The following SACS variants were observed in gnomAD, a reference collection of about 807,000 sequenced individuals.
SACS encodes sacsin.
In SACS, 197 loss-of-function variants were observed where a neutral mutation model predicts 348.0. The ratio of observed to expected loss-of-function variants is 0.57; its 90% CI spans 0.50 to 0.64. SACS has a LOEUF of 0.64. SACS is among the 30% of genes least tolerant of loss of function. The probability of loss-of-function intolerance (pLI) is 0.00; values close to 1 mark genes in which losing one functional copy is unlikely to be tolerated. For synonymous variants in SACS, 1,985 were observed against 1,910.6 expected (o/e 1.04, Z -1.02); for missense variants, 4,999 against 5,360.8 (o/e 0.93, Z 2.11).
At position 23,332,109 on chromosome 13, in the gene SACS, C is replaced by T; in HGVS notation, c.11767G>A (p.Val3923Met). The change falls in exon 10 of 10, where the codon GTG (valine) becomes ATG (methionine). Residue 3923 changes from valine (V) to methionine (M), a missense_variant. Val to Met is a conservative substitution (Grantham distance 21, BLOSUM62 1). Transcript: ENST00000382292. The part of the protein sequence containing the change: ...DGRLVKSSIL[V>M]FDDAPHYKSR... The stretch of plus-strand genomic sequence containing the variant: ...TTATAATGTGGCGCATCGTCAAACA[C>T]TAAGATGCTTGACTTTACCAATCTA... The T allele has an allele frequency of 6.2e-7, 1 of 1,614,086 alleles. No homozygotes were observed.
rs73154625 is a variant in SACS at position 23,380,532 on chromosome 13, T to C, written c.21-5263A>G. On this transcript the variant is annotated intron_variant, in intron 2 of 9. Coordinates refer to ENST00000382292, the MANE Select transcript of SACS (RefSeq NM_014363.6). Reference sequence around the variant, plus strand: ...AACTCGAAACCAAGCCTAATAATAATAACAACAATAATAATAATAAAGCTG... The same window carrying C: ...AACTCGAAACCAAGCCTAATAATAACAACAACAATAATAATAATAAAGCTG... Among the ~76,000 whole-genome samples, 1,057 of 152,224 alleles carry C rather than the reference T, an allele frequency of 6.9e-3. 5 individuals carry two copies. The highest frequency in any genetic ancestry group is 0.017 in the Middle Eastern group (5 of 294).
chr13:23,374,771 AAC>A (rs1206818323), intron 3 of SACS, among the ~76,000 whole-genome samples: 1 of 152,256 alleles, frequency 6.6e-6, no homozygotes, highest in East Asian at 1.9e-4. Flanking sequence ...GATATTTACC[AAC>A]ATTCTACTTA....
At chr13:23,388,364 T>TA (rs1337899604) in intron 2 of SACS, among the ~76,000 whole-genome samples, 1 of 145,326 alleles carries the variant, frequency 6.9e-6, no homozygotes, top group Non-Finnish European at 1.5e-5. Flanking sequence ...AAACAAAAGA[T>TA]ATGGAACCAA....
chr13:23,425,735 G>A (rs1050419179), intron 1 of SACS, among the ~76,000 whole-genome samples: 1 of 152,160 alleles, frequency 6.6e-6, no homozygotes, highest in Non-Finnish European at 1.5e-5. Flanking sequence ...TCTGCTCAGG[G>A]TGTGAAGATC....
At position 23,336,942 on chromosome 13, in the gene SACS, G is replaced by A; in HGVS notation, c.6934C>T (p.Gln2312Ter). The change falls in exon 10 of 10, where the codon CAG becomes TAG. Residue 2312 changes from glutamine (Q) to a stop codon, truncating the protein, a stop_gained. Transcript: ENST00000382292. LOFTEE classifies it high-confidence loss of function. Reference sequence around the variant, plus strand: ...TAGCAAGCATTGGTGATATTCTCCTGGTACAGTGTAATTCCATCATCAACT... The same window carrying A: ...TAGCAAGCATTGGTGATATTCTCCTAGTACAGTGTAATTCCATCATCAACT... ...KSVDDGITLY[Q>*]ENITNACYKY... 1 of 1,613,706 alleles carries A rather than the reference G, an allele frequency of 6.2e-7. No homozygotes were observed. Among genetic ancestry groups the A allele is most frequent in the South Asian group, 1.1e-5 (1 of 91,042 alleles).
chr13:23,355,416 C>G lies in SACS; in HGVS notation c.1196G>C (p.Gly399Ala). The change falls in exon 8 of 10, where the codon GGT becomes GCT. Residue 399 changes from glycine (G) to alanine (A), a missense_variant. By Grantham distance (60) the Gly-to-Ala change is moderately conservative. Around this residue, in one of 6 missense-constraint regions of SACS, gnomAD observed 3,156 missense variants for 3,380.1 expected, o/e 0.93. Transcript: ENST00000382292. ...KTSWLVCNSVGGRGISSKLDS... is the reference protein window; with the variant it reads ...KTSWLVCNSVAGRGISSKLDS... ...AAGCTTACTACTGATCCCTCGCCCA[C>G]CCACACTGTTACACACCAACCAAGA... 6.2e-7 allele frequency: 1 copy of G among 1,614,144 alleles called. No individual in the cohort carries two copies. The highest frequency in any genetic ancestry group is 1.6e-4 in the Middle Eastern group (1 of 6,062).
At chr13:23,379,140 C>T (rs1445782137) in intron 2 of SACS, among the ~76,000 whole-genome samples, 1 of 152,162 alleles carries the variant, frequency 6.6e-6, no homozygotes, top group Non-Finnish European at 1.5e-5. Context: ...CCCCAGCTCT[C>T]GCGCCTGCTG....
chr13:23,340,675 A>G lies in SACS; in HGVS notation c.3201T>C (p.Asn1067=). The G allele has an allele frequency of 6.3e-7, 1 of 1,594,494 alleles. No homozygotes were observed. The highest frequency in any genetic ancestry group is 8.5e-7 in the Non-Finnish European group (1 of 1,173,154). Residue 1067 remains asparagine (N), a synonymous_variant, in exon 10 of 10, where the codon AAT becomes AAC. Transcript: ENST00000382292. ...DIEVLKDLFC[N]EEGTYFPPSV... ...AGGGTGGGAAATAGGTTCCTTCTTCATTACAAAAGAGATCCTTTAGTACTT... is the reference window on the plus strand; with the variant it reads ...AGGGTGGGAAATAGGTTCCTTCTTCGTTACAAAAGAGATCCTTTAGTACTT...
At position 23,340,658 on chromosome 13, in the gene SACS, A is replaced by G; in HGVS notation, c.3218T>C (p.Phe1073Ser). ...TGGTGAGGTAAAAACTGAGGGTGGGAAATAGGTTCCTTCTTCATTACAAAA... is the reference window on the plus strand; with the variant it reads ...TGGTGAGGTAAAAACTGAGGGTGGGGAATAGGTTCCTTCTTCATTACAAAA... ...DLFCNEEGTYFPPSVFTSPDI... is the reference protein window; with the variant it reads ...DLFCNEEGTYSPPSVFTSPDI... The change falls in exon 10 of 10, where the codon TTC (phenylalanine) becomes TCC (serine). Residue 1073 changes from phenylalanine to serine, a missense_variant. Physicochemically the swap from Phe to Ser is radical, Grantham distance 155. Around this residue, in one of 6 missense-constraint regions of SACS, gnomAD observed 3,156 missense variants for 3,380.1 expected, o/e 0.93. Coordinates refer to ENST00000382292, the MANE Select transcript of SACS (RefSeq NM_014363.6). 1 of 1,598,902 alleles carries G rather than the reference A, an allele frequency of 6.3e-7. No individual in the cohort carries two copies. The highest frequency in any genetic ancestry group is 8.5e-7 in the Non-Finnish European group (1 of 1,175,336).
At chr13:23,427,827 C>T (rs1419072463) in intron 1 of SACS, 1 of 152,214 alleles carries the variant, frequency 6.6e-6, no homozygotes, top group African/African-American at 2.4e-5. Context: ...TGGCTGGTCC[C>T]CGAGGACGAG....
Position 23,329,888 on chromosome 13 carries a change from A to G in SACS, c.*248T>C. ...TATATAAAGTGCAGTTCAATGATGT[A>G]TCATCCCAATCATTCAAATCCATCC... On this transcript the variant is annotated 3_prime_UTR_variant, in exon 10 of 10. Coordinates refer to ENST00000382292, the MANE Select transcript of SACS (RefSeq NM_014363.6). The G allele has an allele frequency of 3.7e-6, 2 of 547,690 alleles. No homozygotes were observed. Among genetic ancestry groups the G allele is most frequent in the Non-Finnish European group, 6.5e-6 (2 of 306,526 alleles). The allele number at this position is 547,690 out of a possible 1,614,324, so 33.9% of individuals were successfully genotyped here. A position where few individuals can be genotyped will look rare whatever the true frequency, so the allele number is the denominator to read the frequency against.
At chr13:23,430,947 C>A (rs544732060) in intron 1 of SACS, among the ~76,000 whole-genome samples, 2 of 152,288 alleles carry the variant, frequency 1.3e-5, no homozygotes, top group Middle Eastern at 6.8e-3. Flanking sequence ...ATGGTAGGAA[C>A]AGAGCTCAGA....
In SACS at chr13:23,431,398, TA is replaced by T. The variant is rs748350797; in HGVS notation, c.-502+2216del. On this transcript the variant is annotated intron_variant, in intron 1 of 9. Transcript: ENST00000382292. ...GGGTGAAACGGCCTCTCCTAGACGT[TA>T]AAATCTTACACAATATCCTGAGTGT... Among the ~76,000 whole-genome samples, 10 of 152,216 alleles carry T rather than the reference TA, an allele frequency of 6.6e-5. No individual in the cohort carries two copies. In the East Asian group the frequency reaches 1.5e-3, roughly 23 times the overall value.
chr13:23,356,386 ACT>A (rs1181786922), intron 7 of SACS, among the ~76,000 whole-genome samples: 1 of 152,176 alleles, frequency 6.6e-6, no homozygotes, highest in Non-Finnish European at 1.5e-5. Flanking sequence ...TTCAGCATAG[ACT>A]CTGTAAGAAG....
In SACS at chr13:23,420,550, A is replaced by G. The variant is rs146128516; in HGVS notation, c.-501-8810T>C. ...GGGCCTAATGTCCACCTGTGGCCCA[A>G]TGTAAATCTGGGGCCTGGTATTTAG... On this transcript the variant is annotated intron_variant, in intron 1 of 9. Coordinates refer to ENST00000382292, the MANE Select transcript of SACS (RefSeq NM_014363.6). 8.0e-4 allele frequency among the ~76,000 whole-genome samples: 122 copies of G among 152,204 alleles called. No individual in the cohort carries two copies. The East Asian group carries it at 0.021, about 26-fold the overall frequency.
In SACS at chr13:23,336,475, G is replaced by A. The variant is rs774952197; in HGVS notation, c.7401C>T (p.Cys2467=). ...NLMLLPAKSL[C]YNDCPWIKVK... is the part of the protein sequence containing the mutation. Reference sequence around the variant, plus strand: ...CTTTTATCCAAGGGCAATCATTGTAGCATAACGATTTAGCAGGGAGAAGCA... The same window carrying A: ...CTTTTATCCAAGGGCAATCATTGTAACATAACGATTTAGCAGGGAGAAGCA... The change falls in exon 10 of 10, where the codon TGC becomes TGT. Residue 2467 remains cysteine (C), a synonymous_variant. Coordinates refer to ENST00000382292, the MANE Select transcript of SACS (RefSeq NM_014363.6). The A allele has an allele frequency of 3.1e-6, 5 of 1,613,848 alleles. No homozygotes were observed. Among genetic ancestry groups the A allele is most frequent in the South Asian group, 1.1e-5 (1 of 91,080 alleles).
rs1307752682 is a variant in SACS, at chr13:23,337,225, T to C, written c.6651A>G (p.Pro2217=). Reference sequence around the variant, plus strand: ...AAAAACCTGCTGGTTTTGTCAGAAATGGAAGGAAGCGGATTGTTTGATATT... The same window carrying C: ...AAAAACCTGCTGGTTTTGTCAGAAACGGAAGGAAGCGGATTGTTTGATATT... ...AAKYQTIRFL[P]FLTKPAGFSL... Residue 2217 remains proline, a synonymous_variant, in exon 10 of 10, where the codon CCA becomes CCG. Transcript: ENST00000382292. 6.2e-7 allele frequency: 1 copy of C among 1,613,902 alleles called. No individual in the cohort carries two copies. The highest frequency in any genetic ancestry group is 2.2e-5 in the East Asian group (1 of 44,860).
intron 2 of SACS, among the ~76,000 whole-genome samples, chr13:23,407,530 A>T (rs1244178013): frequency 4.6e-5 from 7 of 151,976 alleles, no homozygotes; most frequent in African/African-American, 1.5e-4. Flanking sequence ...TAAATGTCTG[A>T]CTTATTGAAG....
In SACS at chr13:23,334,455, T is replaced by G; in HGVS notation, c.9421A>C (p.Lys3141Gln). The G allele has an allele frequency of 6.2e-7, 1 of 1,612,618 alleles. No homozygotes were observed. Among genetic ancestry groups the G allele is most frequent in the East Asian group, 2.2e-5 (1 of 44,868 alleles). Residue 3141 changes from lysine to glutamine, a missense_variant, in exon 10 of 10, where the codon AAA (lysine) becomes CAA (glutamine). Transcript: ENST00000382292. ...SLKLLVDYCF[K>Q]DAEENEIEVE... Reference sequence around the variant, plus strand: ...TCAATCTCATTTTCTTCTGCATCTTTAAAACAATAATCAACTAAAAGTTTT... The same window carrying G: ...TCAATCTCATTTTCTTCTGCATCTTGAAAACAATAATCAACTAAAAGTTTT...
Sources: allele counts gnomAD v4.1 joint callset (sites outside exome capture counted in the v4.1 genomes callset), GRCh38; gene constraint gnomAD v4.1.1; regional missense constraint gnomAD v4.1.1; transcripts MANE v1.5; gene names NCBI Gene and HGNC (gene_info 2026-07-23, HGNC 2026-07-21).